Variants in ZFR observed in about 807,000 individuals in gnomAD.
The protein encoded by ZFR is zinc finger RNA-binding protein.
Under a neutral mutation model 130.7 loss-of-function variants are expected in ZFR, and 19 were observed. The observed-to-expected ratio is 0.15, with a 90% CI of 0.10 to 0.21. The LOEUF is 0.21. ZFR is among the 10% of genes least tolerant of loss of function. ZFR has a pLI of 1.00. For synonymous variants in ZFR, 466 were observed against 456.9 expected (o/e 1.02, Z -0.25); for missense variants, 872 against 1,321.5 (o/e 0.66, Z 5.27).
chr5:32,444,147 CG>C, intron 2 of ZFR, 81 bp downstream of exon 2: 1 of 1,476,380 alleles, frequency 6.8e-7, no homozygotes, highest in South Asian at 1.2e-5. Flanking sequence ...TGGCTGGGGA[CG>C]GGCGCGGGGG....
intron 15 of ZFR, among the ~76,000 whole-genome samples, chr5:32,383,339 G>T (rs1440982370): frequency 6.6e-6 from 1 of 152,192 alleles, no homozygotes; most frequent in Non-Finnish European, 1.5e-5. Context: ...CTGCTAGAAG[G>T]CTTTGGACCG....
chr5:32,420,785 A>G (rs1327977532), intron 2 of ZFR, among the ~76,000 whole-genome samples: 1 of 152,236 alleles, frequency 6.6e-6, no homozygotes, highest in Admixed American at 6.5e-5. Context: ...AGCCGTGCAT[A>G]ACAAAGAATT....
chr5:32,359,732 C>T (rs1166783935), intron 19 of ZFR, among the ~76,000 whole-genome samples: 4 of 152,124 alleles, frequency 2.6e-5, no homozygotes, highest in Non-Finnish European at 5.9e-5. Context: ...GGGTGGACCA[C>T]GAGGTCAGGA....
chr5:32,388,328 T>C, intron 13 of ZFR, 141 bp downstream of exon 13: 2 of 775,106 alleles, frequency 2.6e-6, no homozygotes, highest in East Asian at 2.7e-5. Flanking sequence ...AGCTGCAGAA[T>C]ACATGAAATA....
chr5:32,415,223 G>A (rs1280706877), intron 4 of ZFR, 36 bp from the exon 5 acceptor site: 1 of 1,573,992 alleles, frequency 6.4e-7, no homozygotes, highest in East Asian at 2.2e-5. Context: ...AATTAGAAGA[G>A]TAAGCCACTA....
intron 8 of ZFR, among the ~76,000 whole-genome samples, 184 bp from the exon 9 acceptor site, chr5:32,400,387 C>T (rs939775733): frequency 6.6e-6 from 1 of 152,056 alleles, no homozygotes; most frequent in African/African-American, 2.4e-5. Context: ...TAGTGAAATA[C>T]GTTTCTGAAT....
intron 5 of ZFR, among the ~76,000 whole-genome samples, chr5:32,414,097 G>A (rs1178890023): frequency 6.6e-6 from 1 of 152,136 alleles, no homozygotes; most frequent in Admixed American, 6.6e-5. Context: ...CACCATAGCA[G>A]AGCACACATG....
At chr5:32,358,523 G>T (rs1337046651) in intron 19 of ZFR, among the ~76,000 whole-genome samples, 1 of 152,212 alleles carries the variant, frequency 6.6e-6, no homozygotes, top group Non-Finnish European at 1.5e-5. Context: ...AGCCGGGCTT[G>T]GTGGCGGGTG....
rs116375130 is a variant in ZFR, at chr5:32,426,448, T to C, written c.138-6345A>G. Among the ~76,000 whole-genome samples, 1,273 of 150,486 alleles carry C rather than the reference T, an allele frequency of 8.5e-3. 8 individuals are homozygous for C. Among genetic ancestry groups the C allele is most frequent in the Admixed American group, 0.014 (212 of 15,158 alleles). On this transcript the variant is annotated intron_variant, in intron 2 of 19. Coordinates refer to ENST00000265069, the MANE Select transcript of ZFR (RefSeq NM_016107.5). ...ATTGAAGGAAATAACCTCAATATAA[T>C]AAAAACTATGAAAAGCCCATAGCTA...
intron 2 of ZFR, among the ~76,000 whole-genome samples, chr5:32,443,794 C>G (rs148952823): frequency 6.6e-6 from 1 of 152,232 alleles, no homozygotes; most frequent in Non-Finnish European, 1.5e-5. Context: ...ACCTGCGACA[C>G]GGCACTCCCC....
chr5:32,390,160 A>T, intron 12 of ZFR, 115 bp downstream of exon 12: 1 of 1,382,588 alleles, frequency 7.2e-7, no homozygotes, highest in Non-Finnish European at 9.7e-7. Context: ...GTCTCAAAAA[A>T]ACTACCAAGA....
At chr5:32,394,050 C>T (rs1753240722) in intron 11 of ZFR, among the ~76,000 whole-genome samples, 4 of 151,926 alleles carry the variant, frequency 2.6e-5, no homozygotes, top group East Asian at 1.9e-4. Context: ...CAAAATAATC[C>T]GAATTTAGTT....
rs142753389 is a variant in ZFR at position 32,419,344 on chromosome 5, T to C, written c.420+477A>G. On this transcript the variant is annotated intron_variant, in intron 3 of 19. Transcript: ENST00000265069. ...AATACAAAGCTCATTGCAAGGAATT[T>C]TTTTTTTTCTTGAGACAGGGTCTCG... 7.8e-3 allele frequency among the ~76,000 whole-genome samples: 1,186 copies of C among 152,198 alleles called. 15 individuals are homozygous for C. The highest frequency in any genetic ancestry group is 0.027 in the African/African-American group (1,121 of 41,540).
chr5:32,426,036 C>T (rs936295190), intron 2 of ZFR, among the ~76,000 whole-genome samples: 22 of 152,142 alleles, frequency 1.4e-4, no homozygotes, highest in African/African-American at 3.6e-4. Flanking sequence ...GTTTCTGTCA[C>T]GCAACAGGAA....
intron 9 of ZFR, among the ~76,000 whole-genome samples, chr5:32,398,653 C>G (rs1362805767): frequency 6.6e-6 from 1 of 152,124 alleles, no homozygotes; most frequent in Non-Finnish European, 1.5e-5. Context: ...ACCTTGTAAA[C>G]AAAGAATTCA....
intron 17 of ZFR, among the ~76,000 whole-genome samples, chr5:32,365,960 C>A (rs1234835543): frequency 6.6e-6 from 1 of 152,052 alleles, no homozygotes; most frequent in Non-Finnish European, 1.5e-5. Context: ...TTTTAAGGGA[C>A]AAGCTTCAGT....
chr5:32,379,453 T>C (rs201279520), intron 16 of ZFR: 1 of 457,822 alleles, frequency 2.2e-6, no homozygotes, highest in Non-Finnish European at 3.9e-6. Flanking sequence ...CTTGATCCCC[T>C]GTGAACCTTG....
Position 32,380,066 on chromosome 5 carries a change from G to A in ZFR, c.2739+9C>T. 1 of 1,612,418 alleles carries A rather than the reference G, an allele frequency of 6.2e-7. No homozygotes were observed. The highest frequency in any genetic ancestry group is 8.5e-7 in the Non-Finnish European group (1 of 1,178,566). Reference sequence around the variant, plus strand: ...GGCTACAAGAAAAAAGTAAAATGATGTTCCGAACCTGGAACCACTTAGCGT... The same window carrying A: ...GGCTACAAGAAAAAAGTAAAATGATATTCCGAACCTGGAACCACTTAGCGT... On this transcript the variant is annotated intron_variant, in intron 16 of 19. Coordinates refer to ENST00000265069, the MANE Select transcript of ZFR (RefSeq NM_016107.5).
intron 9 of ZFR, among the ~76,000 whole-genome samples, chr5:32,399,080 C>T (rs955118691): frequency 6.6e-5 from 10 of 151,954 alleles, no homozygotes; most frequent in African/African-American, 2.2e-4. Context: ...TCGAGACCAG[C>T]CTGGCCAACA....
Sources: gnomAD v4.1 joint callset for allele counts (sites outside exome capture counted in the v4.1 genomes callset) on GRCh38, gnomAD v4.1.1 for gene constraint, MANE v1.5 for transcripts, NCBI Gene and HGNC (gene_info 2026-07-23, HGNC 2026-07-21) for gene names.